Variants in EML6 observed in about 807,000 individuals in gnomAD.
EML6 encodes EMAP like 6.
Under a neutral mutation model 240.1 loss-of-function variants are expected in EML6, and 154 were observed. The ratio of observed to expected loss-of-function variants is 0.64; its 90% CI spans 0.56 to 0.73. EML6 has a LOEUF of 0.73. Among genes scored for constraint, EML6 ranks in the 30% least tolerant of loss-of-function variants. The pLI is 0.00. For missense variants in EML6, 2,964 were observed against 2,474.6 expected (o/e 1.20, Z -4.20); for synonymous variants, 1,148 against 899.0 (o/e 1.28, Z -4.95).
At chr2:54,927,996 G>A (rs1280437102) in intron 26 of EML6, among the ~76,000 whole-genome samples, 3 of 152,232 alleles carry the variant, frequency 2.0e-5, no homozygotes, top group African/African-American at 7.2e-5. Flanking sequence ...CTAGAGACCT[G>A]TGGAGGCAGC....
At chr2:54,756,839 G>A (rs1381448838) in intron 2 of EML6, among the ~76,000 whole-genome samples, 1 of 151,864 alleles carries the variant, frequency 6.6e-6, no homozygotes, top group African/African-American at 2.4e-5. Context: ...ACAAACTCCT[G>A]AGTCTCAGTT....
At position 54,841,348 on chromosome 2, in the gene EML6, A is replaced by G. The variant is rs957235714; in HGVS notation, c.848-2699A>G. ...ATCGGCCTGTGTGCTTTTTCCCACC[A>G]TTTCAAGACCTGTAGCAATGAATTC... On this transcript the variant is annotated intron_variant, in intron 7 of 41. Transcript: ENST00000356458. Among the ~76,000 whole-genome samples the G allele has an allele frequency of 3.9e-5, 6 of 152,192 alleles. No individual in the cohort carries two copies. The South Asian group carries it at 1.0e-3, about 26-fold the overall frequency.
intron 9 of EML6, 23 bp from the exon 10 acceptor site, chr2:54,849,939 C>T (rs747386675): frequency 4.0e-5 from 62 of 1,535,624 alleles, no homozygotes; most frequent in South Asian, 1.8e-4. Context: ...TGCTGCTTAT[C>T]GTTTTGCTTT....
chr2:54,761,692 T>C (rs1188968375), intron 2 of EML6, among the ~76,000 whole-genome samples: 1 of 152,198 alleles, frequency 6.6e-6, no homozygotes, highest in East Asian at 1.9e-4. Context: ...ATAGTTGAGG[T>C]ACCTATGCTT....
At position 54,820,181 on chromosome 2, in the gene EML6, C is replaced by T. The variant is rs147246746; in HGVS notation, c.457-213C>T. Among the ~76,000 whole-genome samples, 996 of 152,264 alleles carry T rather than the reference C, an allele frequency of 6.5e-3. 39 individuals are homozygous for T. Among genetic ancestry groups the T allele is most frequent in the Admixed American group, 0.055 (836 of 15,294 alleles). ...TTGTTCTAAATAATTATGGTAAGTTCTCTCTCTACTCAGGCCTTAAGGTAA... is the reference window on the plus strand; with the variant it reads ...TTGTTCTAAATAATTATGGTAAGTTTTCTCTCTACTCAGGCCTTAAGGTAA... On this transcript the variant is annotated intron_variant, in intron 4 of 41. Coordinates refer to ENST00000356458, the MANE Select transcript of EML6 (RefSeq NM_001039753.4).
intron 2 of EML6, among the ~76,000 whole-genome samples, chr2:54,795,276 C>T (rs902761313): frequency 2.0e-5 from 3 of 152,120 alleles, no homozygotes; most frequent in Non-Finnish European, 2.9e-5. Context: ...GGAAGCAGGG[C>T]ATGTCTCACA....
chr2:54,928,013 G>T (rs1458667640), intron 26 of EML6, among the ~76,000 whole-genome samples: 1 of 152,226 alleles, frequency 6.6e-6, no homozygotes, highest in Non-Finnish European at 1.5e-5. Flanking sequence ...CAGCACATTT[G>T]ACATTTGAGA....
intron 33 of EML6, among the ~76,000 whole-genome samples, chr2:54,958,603 G>T (rs749371394): frequency 7.9e-5 from 12 of 152,136 alleles, no homozygotes; most frequent in Non-Finnish European, 1.5e-4. Flanking sequence ...AGGATATTGG[G>T]AACAATTTCC....
chr2:54,887,966 C>T (rs937519184), intron 17 of EML6, among the ~76,000 whole-genome samples: 8 of 152,192 alleles, frequency 5.3e-5, no homozygotes, highest in African/African-American at 9.6e-5. Flanking sequence ...TTGTTTTGTA[C>T]ATTCTGCGAG....
Position 54,813,288 on chromosome 2 carries a change from C to T in EML6, c.254C>T (p.Pro85Leu), listed in dbSNP as rs780328702. The T allele has an allele frequency of 5.8e-6, 9 of 1,549,560 alleles. No homozygotes were observed. Among genetic ancestry groups the T allele is most frequent in the African/African-American group, 5.5e-5 (4 of 73,006 alleles). The change falls in exon 3 of 42, where the codon CCA (proline) becomes CTA (leucine). Residue 85 changes from proline (P) to leucine (L), a missense_variant. By Grantham distance (98) the Pro-to-Leu change is moderately conservative (BLOSUM62 -3). Coordinates refer to ENST00000356458, the MANE Select transcript of EML6 (RefSeq NM_001039753.4). ...LVATGQVGKE[P>L]YICIWDSYNV... The stretch of plus-strand genomic sequence containing the variant: ...GCAACTGGCCAAGTCGGGAAGGAGC[C>T]ATATATATGCATATGGGATTCCTAT...
intron 7 of EML6, among the ~76,000 whole-genome samples, chr2:54,832,415 C>T (rs1486700558): frequency 1.3e-5 from 2 of 152,202 alleles, no homozygotes; most frequent in Non-Finnish European, 2.9e-5. Context: ...AGAACCGGCC[C>T]TCCTGTGGTC....
intron 2 of EML6, among the ~76,000 whole-genome samples, chr2:54,805,236 G>A (rs189545258): frequency 6.8e-4 from 104 of 152,182 alleles, no homozygotes; most frequent in African/African-American, 2.2e-3. Flanking sequence ...ACCTATTTCC[G>A]ATTTCTGGCT....
chr2:54,826,088 C>G (rs1397371139), intron 5 of EML6, among the ~76,000 whole-genome samples: 11 of 152,162 alleles, frequency 7.2e-5, no homozygotes, highest in Admixed American at 7.2e-4. Context: ...TTTCATTTGC[C>G]TCTGCATTGA....
intron 4 of EML6, among the ~76,000 whole-genome samples, chr2:54,817,869 C>T (rs548192823): frequency 6.6e-6 from 1 of 151,678 alleles, no homozygotes; most frequent in South Asian, 2.1e-4. Context: ...GGAGACCCCA[C>T]AGATGTTGCA....
At chr2:54,904,598 A>G (rs558425388) in intron 24 of EML6, among the ~76,000 whole-genome samples, 1 of 152,316 alleles carries the variant, frequency 6.6e-6, no homozygotes, top group South Asian at 2.1e-4. Context: ...GAAGGTGGGA[A>G]GAACCAGGGG....
rs988196080 is a variant in EML6 at position 54,859,776 on chromosome 2, C to G, written c.1825+75C>G. ...TTCAAAGAATGGTCTAACATGTATT[C>G]TATAGGTAAAGGATTTAAGCAATTT... is the stretch of plus-strand genomic sequence containing the variant. On this transcript the variant is annotated intron_variant, in intron 12 of 41. Coordinates refer to ENST00000356458, the MANE Select transcript of EML6 (RefSeq NM_001039753.4). 12 of 1,274,216 alleles carry G rather than the reference C, an allele frequency of 9.4e-6. No individual in the cohort carries two copies. The African/African-American group carries it at 1.8e-4, about 20-fold the overall frequency. The allele number at this position is 1,274,216 out of a possible 1,614,324, so 78.9% of individuals were successfully genotyped here.
intron 24 of EML6, among the ~76,000 whole-genome samples, chr2:54,910,136 T>A (rs1044029034): frequency 6.6e-6 from 1 of 152,290 alleles, no homozygotes; most frequent in East Asian, 1.9e-4. Flanking sequence ...GTTGGCCATG[T>A]GTTAATAGCT....
Position 54,871,620 on chromosome 2 carries a change from G to A in EML6, c.2344+15G>A. Reference sequence around the variant, plus strand: ...TGATTTTTCAGGTAAGGTCCAGAGTGATTGACACATGGTTCTACGTTGAGA... The same window carrying A: ...TGATTTTTCAGGTAAGGTCCAGAGTAATTGACACATGGTTCTACGTTGAGA... On this transcript the variant is annotated intron_variant, in intron 16 of 41. Coordinates refer to ENST00000356458, the MANE Select transcript of EML6 (RefSeq NM_001039753.4). The A allele has an allele frequency of 6.6e-7, 1 of 1,508,298 alleles. No homozygotes were observed. The highest frequency in any genetic ancestry group is 9.0e-7 in the Non-Finnish European group (1 of 1,107,246). 93.4% of individuals were successfully genotyped at this position (1,508,298 alleles called of 1,614,324 possible).
chr2:54,749,402 G>A (rs952210608), intron 2 of EML6, among the ~76,000 whole-genome samples: 1 of 151,990 alleles, frequency 6.6e-6, no homozygotes, highest in African/African-American at 2.4e-5. Flanking sequence ...CATTTAATAT[G>A]TGATTGTTTA....
Sources: gnomAD v4.1 joint callset for allele counts (sites outside exome capture counted in the v4.1 genomes callset) on GRCh38, gnomAD v4.1.1 for gene constraint, MANE v1.5 for transcripts, NCBI Gene and HGNC (gene_info 2026-07-23, HGNC 2026-07-21) for gene names.